SORCS3: variants seen among roughly 807,000 people sequenced by gnomAD.
The protein encoded by SORCS3 is sortilin related VPS10 domain containing receptor 3.
Under a neutral mutation model 146.3 loss-of-function variants are expected in SORCS3, and 57 were observed. The observed-to-expected ratio is 0.39, with a 90% confidence interval of 0.31 to 0.49. The LOEUF (loss-of-function observed/expected upper bound fraction) is 0.49. Ranked by LOEUF, SORCS3 falls within the 20% of genes least tolerant of loss-of-function variation. The pLI, the probability that SORCS3 is intolerant of heterozygous loss-of-function variation, is 0.92. For synonymous variants in SORCS3, 653 were observed against 618.5 expected, an observed-to-expected ratio of 1.06 and a Z score of -0.83; for missense variants, 1,341 against 1,575.5, an observed-to-expected ratio of 0.85 and a Z score of 2.52.
intron 14 of SORCS3, among the ~76,000 whole-genome samples, chr10:105,196,781 G>A (rs754683803): frequency 6.6e-6 from 1 of 152,176 alleles, no homozygotes; most frequent in African/African-American, 2.4e-5. Context: ...TTGGGTAGAT[G>A]AAAGTGGTCT....
chr10:105,017,416 A>G (rs1261556595), intron 4 of SORCS3, among the ~76,000 whole-genome samples: 2 of 152,222 alleles, frequency 1.3e-5, no homozygotes, highest in African/African-American at 4.8e-5. Flanking sequence ...GAGAAAGAGT[A>G]TCAATTAACC....
At chr10:104,880,379 T>A (rs371678643) in intron 2 of SORCS3, among the ~76,000 whole-genome samples, 10 of 152,356 alleles carry the variant, frequency 6.6e-5, no homozygotes, top group African/African-American at 2.2e-4. Context: ...GACCTTTCTT[T>A]TGTCCATTGG....
Position 105,263,502 on chromosome 10 carries a change from C to T in SORCS3, c.*128C>T, listed in dbSNP as rs2056973996. 1 of 817,344 alleles carries T rather than the reference C, an allele frequency of 1.2e-6. No individual in the cohort carries two copies. Among genetic ancestry groups the T allele is most frequent in the South Asian group, 1.8e-5 (1 of 56,474 alleles). 50.6% of individuals were successfully genotyped at this position (817,344 alleles called of 1,614,324 possible). A position where few individuals can be genotyped will look rare whatever the true frequency, so the allele number is the denominator to read the frequency against. ...TTACCAAGGGCCCCTTCATAAATAG[C>T]AGGCAAATGCCTAGCTTTGGGAGAA... On this transcript the variant is annotated 3_prime_UTR_variant, in exon 27 of 27. Transcript: ENST00000369701.
chr10:104,880,408 C>A (rs868513788), intron 2 of SORCS3, among the ~76,000 whole-genome samples: 4 of 152,298 alleles, frequency 2.6e-5, no homozygotes, highest in Middle Eastern at 3.4e-3. Context: ...TGCTCCCTGC[C>A]TTTCCTTTTC....
intron 3 of SORCS3, among the ~76,000 whole-genome samples, chr10:104,939,162 G>A (rs2133616604): frequency 6.6e-6 from 1 of 152,350 alleles, no homozygotes; most frequent in African/African-American, 2.4e-5. Context: ...CCTCTGGCTG[G>A]AGGAGACGAG....
chr10:104,960,206 C>G (rs1453846734), intron 3 of SORCS3, among the ~76,000 whole-genome samples: 1 of 152,056 alleles, frequency 6.6e-6, no homozygotes. Flanking sequence ...TCAGCTAGAC[C>G]AGGATATAGG....
intron 2 of SORCS3, among the ~76,000 whole-genome samples, chr10:104,881,306 G>A (rs1247149376): frequency 2.0e-5 from 3 of 152,114 alleles, no homozygotes; most frequent in Admixed American, 6.6e-5. Context: ...CTGTAGCTTC[G>A]TGGTGTGCAA....
In SORCS3 at chr10:105,012,353, TG is replaced by T. The variant is rs1480883175; in HGVS notation, c.955-30700del. Among the ~76,000 whole-genome samples the T allele has an allele frequency of 2.0e-5, 3 of 152,292 alleles. No homozygotes were observed. In the South Asian group the frequency reaches 6.2e-4, roughly 32 times the overall value. On this transcript the variant is annotated intron_variant, in intron 4 of 26. Coordinates refer to ENST00000369701, the MANE Select transcript of SORCS3 (RefSeq NM_014978.3). ...GCATGTTCAAAGTGAAGGAAAATCA[TG>T]GTAAGGAGGAAATATGATTGGATTC...
intron 14 of SORCS3, among the ~76,000 whole-genome samples, chr10:105,179,902 T>C (rs1034443040): frequency 2.0e-5 from 3 of 152,166 alleles, no homozygotes; most frequent in African/African-American, 7.2e-5. Flanking sequence ...GAAAACTTAT[T>C]AATAAAGTAG....
chr10:104,837,619 C>A (rs2018085991), intron 1 of SORCS3, among the ~76,000 whole-genome samples: 1 of 152,192 alleles, frequency 6.6e-6, no homozygotes, highest in Non-Finnish European at 1.5e-5. Context: ...TCTCATTACA[C>A]ATCTCTGTTT....
intron 1 of SORCS3, among the ~76,000 whole-genome samples, chr10:104,721,213 G>A (rs2016543413): frequency 6.6e-6 from 1 of 152,132 alleles, no homozygotes; most frequent in Non-Finnish European, 1.5e-5. Context: ...AGTTTTCCCA[G>A]CACCATTTAT....
At chr10:104,921,288 T>G (rs1379664833) in intron 3 of SORCS3, among the ~76,000 whole-genome samples, 1 of 152,202 alleles carries the variant, frequency 6.6e-6, no homozygotes, top group African/African-American at 2.4e-5. Flanking sequence ...GAGAGGAGCC[T>G]GACTCCCATG....
intron 3 of SORCS3, among the ~76,000 whole-genome samples, chr10:104,959,099 G>T (rs1036512396): frequency 1.3e-5 from 2 of 152,096 alleles, no homozygotes; most frequent in African/African-American, 4.8e-5. Context: ...CTGGATTTTA[G>T]CCAGTGAGAC....
At chr10:105,132,954 A>C (rs1483102544) in intron 7 of SORCS3, among the ~76,000 whole-genome samples, 2 of 152,220 alleles carry the variant, frequency 1.3e-5, no homozygotes, top group Non-Finnish European at 2.9e-5. Context: ...AGAAAAGTTC[A>C]TCAAAACAGA....
At chr10:104,966,927 T>C (rs1205418753) in intron 3 of SORCS3, among the ~76,000 whole-genome samples, 3 of 151,676 alleles carry the variant, frequency 2.0e-5, no homozygotes, top group Admixed American at 6.6e-5. Flanking sequence ...TTCAACATTC[T>C]CAGGAATTTC....
chr10:105,171,975 A>C (rs1370901721), intron 13 of SORCS3, among the ~76,000 whole-genome samples: 1 of 152,216 alleles, frequency 6.6e-6, no homozygotes. Context: ...AGAATATCAC[A>C]GTGCTAATTG....
chr10:104,909,277 A>G (rs1412984843), intron 2 of SORCS3, among the ~76,000 whole-genome samples: 1 of 152,144 alleles, frequency 6.6e-6, no homozygotes. Context: ...AGCTAGAGCT[A>G]CTTTAAATGG....
intron 16 of SORCS3, among the ~76,000 whole-genome samples, chr10:105,201,783 G>T (rs1486215126): frequency 6.6e-6 from 1 of 152,074 alleles, no homozygotes; most frequent in Non-Finnish European, 1.5e-5. Context: ...CCCTTCTCTT[G>T]GTTGGACACA....
At chr10:104,940,206 A>T (rs1233899615) in intron 3 of SORCS3, among the ~76,000 whole-genome samples, 2 of 35,428 alleles carry the variant, frequency 5.6e-5, no homozygotes, top group Non-Finnish European at 7.8e-5. Flanking sequence ...CTTTTCTTTT[A>T]TATATATATA....
Sources: allele counts gnomAD v4.1 joint callset (sites outside exome capture counted in the v4.1 genomes callset), GRCh38; gene constraint gnomAD v4.1.1; transcripts MANE v1.5; gene names NCBI Gene and HGNC (gene_info 2026-07-23, HGNC 2026-07-21).